Variants in VPS16 observed in about 807,000 individuals in gnomAD.
The protein encoded by VPS16 is VPS16 core subunit of CORVET and HOPS complexes, also known as vacuolar protein sorting-associated protein 16 homolog.
VPS16 carries 82 observed loss-of-function variants against 116.0 expected under a neutral mutation model. That is an observed-to-expected ratio of 0.71 (90% CI 0.59 to 0.85). The LOEUF is 0.85. VPS16 is among the 40% of genes least tolerant of loss of function. The probability of loss-of-function intolerance (pLI) is 0.00; values close to 1 mark genes in which losing one functional copy is unlikely to be tolerated. For missense variants in VPS16, 928 were observed against 1,090.6 expected (o/e 0.85, Z 2.10); for synonymous variants, 406 against 420.7 (o/e 0.96, Z 0.43).
chr20:2,846,683 G>A (rs569214947), intron 1 of VPS16, among the ~76,000 whole-genome samples: 1 of 152,194 alleles, frequency 6.6e-6, no homozygotes, highest in African/African-American at 2.4e-5. Flanking sequence ...TACCTAACAT[G>A]CATCTTCCTC....
intron 1 of VPS16, among the ~76,000 whole-genome samples, chr20:2,850,668 T>G (rs1186241964): frequency 1.3e-5 from 2 of 151,414 alleles, no homozygotes; most frequent in Non-Finnish European, 2.9e-5. Context: ...TTAACTGTGA[T>G]AAAGGAGTAT....
intron 1 of VPS16, among the ~76,000 whole-genome samples, chr20:2,854,394 A>G (rs939996463): frequency 6.6e-6 from 1 of 151,892 alleles, no homozygotes; most frequent in Non-Finnish European, 1.5e-5. Flanking sequence ...ACATCACTGC[A>G]CTCCATCCTG....
rs2089265534 is a variant in VPS16 at position 2,863,419 on chromosome 20, C to T, written c.1476+21C>T. 1 of 1,610,952 alleles carries T rather than the reference C, an allele frequency of 6.2e-7. No homozygotes were observed. ...ACAAGGCAAGGATGTGGGATGGGGT[C>T]CAAGGGCATTTAGAGGATTCCAGGC... is the stretch of plus-strand genomic sequence containing the variant. On this transcript the variant is annotated intron_variant, in intron 15 of 23. Transcript: ENST00000380445. The surrounding 1 kb of genome is among the most constrained non-coding windows in gnomAD (Gnocchi z 4.4).
rs79791603 is a variant in VPS16 at position 2,865,812 on chromosome 20, G to A, written c.2271+317G>A. 1.3e-3 allele frequency: 607 copies of A among 476,798 alleles called. 3 individuals carry two copies. The East Asian group carries it at 0.022, about 17-fold the overall frequency. 29.5% of individuals were successfully genotyped at this position (476,798 alleles called of 1,614,324 possible). A position where few individuals can be genotyped will look rare whatever the true frequency, so the allele number is the denominator to read the frequency against. ...AGGGTGGAGGGGGCACAGGGAGGGT[G>A]CATATGGGAGGCAGTGGAGATACTG... On this transcript the variant is annotated intron_variant, in intron 22 of 23. Coordinates refer to ENST00000380445, the MANE Select transcript of VPS16 (RefSeq NM_022575.4). The surrounding 1 kb of genome is among the most constrained non-coding windows in gnomAD (Gnocchi z 5.2).
In VPS16 at chr20:2,842,735, T is replaced by TATAG. The variant is rs1485226464; in HGVS notation, c.53+1912_53+1915dup. ...AGATAGACATATGGATGTATCTATC[T>TATAG]ATAGATACATATAGATGTATCTATC... On this transcript the variant is annotated intron_variant, in intron 1 of 23. Transcript: ENST00000380445. 8.2e-4 allele frequency among the ~76,000 whole-genome samples: 59 copies of TATAG among 71,590 alleles called. 6 individuals are homozygous for TATAG. The highest frequency in any genetic ancestry group is 1.3e-3 in the African/African-American group (15 of 11,958). The allele number at this position is 71,590 out of a possible 152,430, so 47.0% of individuals were successfully genotyped here.
chr20:2,841,483 C>G (rs988610046), intron 1 of VPS16, among the ~76,000 whole-genome samples: 1 of 152,246 alleles, frequency 6.6e-6, no homozygotes, highest in African/African-American at 2.4e-5. Context: ...CTACCCAAAT[C>G]TTGCGTTCCA....
chr20:2,862,981 G>A, intron 13 of VPS16, 47 bp downstream of exon 13: 1 of 1,613,816 alleles, frequency 6.2e-7, no homozygotes, highest in Non-Finnish European at 8.5e-7. Flanking sequence ...AGGGGTGGCA[G>A]GGGAAGGGGC....
At chr20:2,854,795 C>CA (rs200987248) in intron 1 of VPS16, among the ~76,000 whole-genome samples, 5,789 of 130,870 alleles carry the variant, frequency 0.044, 278 homozygotes, top group Admixed American at 0.11. Context: ...GACTCCATCT[C>CA]AAAAAAAAAA....
Position 2,863,618 on chromosome 20 carries a change from C to T in VPS16, c.1476+220C>T, listed in dbSNP as rs1243360722. Among the ~76,000 whole-genome samples, 8 of 151,674 alleles carry T rather than the reference C, an allele frequency of 5.3e-5. No homozygotes were observed. Among genetic ancestry groups the T allele is most frequent in the South Asian group, 2.1e-4 (1 of 4,794 alleles). ...TCTCTACTAAAAATACAAAATTAGC[C>T]GGGCACGGTGGCGCATGCCTGTAAT... On this transcript the variant is annotated intron_variant, in intron 15 of 23. Transcript: ENST00000380445. This position sits in a 1 kb window ranked among gnomAD's most constrained non-coding sequence, Gnocchi z 4.4.
In VPS16 at chr20:2,864,427, C is replaced by G; in HGVS notation, c.1783C>G (p.Arg595Gly). Residue 595 changes from arginine to glycine, a missense_variant, in exon 18 of 24, where the codon CGG (arginine) becomes GGG (glycine). Arg to Gly is a moderately radical substitution (Grantham distance 125). Coordinates refer to ENST00000380445, the MANE Select transcript of VPS16 (RefSeq NM_022575.4). The surrounding 1 kb of genome is among the most constrained non-coding windows in gnomAD (Gnocchi z 5.2). The stretch of plus-strand genomic sequence containing the variant: ...CCGAGGAGATTTTTTCATGACCCTT[C>G]GGAATCAGCCCATGGCCCTCAGTTT... ...LNRGDFFMTL[R>G]NQPMALSLYR... The G allele has an allele frequency of 6.2e-7, 1 of 1,614,144 alleles. No homozygotes were observed. The highest frequency in any genetic ancestry group is 1.1e-5 in the South Asian group (1 of 91,082).
rs1401797592 is a variant in VPS16 at position 2,840,773 on chromosome 20, C to G, written c.-2C>G. 6.5e-7 allele frequency: 1 copy of G among 1,548,436 alleles called. No individual in the cohort carries two copies. Among genetic ancestry groups the G allele is most frequent in the African/African-American group, 1.4e-5 (1 of 72,960 alleles). On this transcript the variant is annotated 5_prime_UTR_variant, in exon 1 of 24. Coordinates refer to ENST00000380445, the MANE Select transcript of VPS16 (RefSeq NM_022575.4). The stretch of plus-strand genomic sequence containing the variant: ...GCTTCCCAGCTGCCGTCTGCACCAG[C>G]CATGGACTGCTACACGGCGAACTGG...
In VPS16 at chr20:2,865,174, A is replaced by C; in HGVS notation, c.2031A>C (p.Leu677=). 6.2e-7 allele frequency: 1 copy of C among 1,614,142 alleles called. No homozygotes were observed. The highest frequency in any genetic ancestry group is 8.5e-7 in the Non-Finnish European group (1 of 1,180,004). Residue 677 remains leucine (L), a synonymous_variant, in exon 21 of 24, where the codon CTA becomes CTC. Transcript: ENST00000380445. This position sits in a 1 kb window ranked among gnomAD's most constrained non-coding sequence, Gnocchi z 5.2. ...AKATEDQMRL[L]RLQRRLEDEL... Reference sequence around the variant, plus strand: ...CTACAGAGGATCAAATGCGGCTCCTACGGCTGCAGCGGCGCCTAGAAGACG... The same window carrying C: ...CTACAGAGGATCAAATGCGGCTCCTCCGGCTGCAGCGGCGCCTAGAAGACG...
chr20:2,852,223 C>T (rs2089129293), intron 1 of VPS16, among the ~76,000 whole-genome samples: 1 of 152,106 alleles, frequency 6.6e-6, no homozygotes, highest in Non-Finnish European at 1.5e-5. Flanking sequence ...ATTCTCACAC[C>T]CTGACTGCTG....
chr20:2,861,408 A>G (rs1011690182), intron 8 of VPS16, 128 bp downstream of exon 8: 6 of 1,470,930 alleles, frequency 4.1e-6, no homozygotes, highest in East Asian at 2.4e-5. Flanking sequence ...CTTCTCTGCC[A>G]TTGCACACTT....
In VPS16 at chr20:2,866,455, G is replaced by C. The variant is rs778098467; in HGVS notation, c.2401G>C (p.Ala801Pro). The C allele has an allele frequency of 5.6e-6, 9 of 1,614,046 alleles. No homozygotes were observed. Among genetic ancestry groups the C allele is most frequent in the Non-Finnish European group, 7.6e-6 (9 of 1,180,032 alleles). Reference protein sequence around the residue: ...VGDVAQAADVAIEHRNEAELS... With the variant: ...VGDVAQAADVPIEHRNEAELS... ...CGATGTGGCTCAGGCTGCAGATGTG[G>C]CCATCGAACACCGGAATGAGGCTGA... Residue 801 changes from alanine (A) to proline (P), a missense_variant, in exon 24 of 24, where the codon GCC becomes CCC. By Grantham distance (27) the Ala-to-Pro change is conservative. Transcript: ENST00000380445.
Position 2,863,142 on chromosome 20 carries a change from G to C in VPS16, c.1367+42G>C. Reference sequence around the variant, plus strand: ...GGTGCAGTGAGCGGGCTGTCAGGGGGGTGGGCATTACAGCCTTGGGTGGGG... The same window carrying C: ...GGTGCAGTGAGCGGGCTGTCAGGGGCGTGGGCATTACAGCCTTGGGTGGGG... On this transcript the variant is annotated intron_variant, in intron 14 of 23. Transcript: ENST00000380445. The surrounding 1 kb of genome is among the most constrained non-coding windows in gnomAD (Gnocchi z 4.4). 7 of 1,613,634 alleles carry C rather than the reference G, an allele frequency of 4.3e-6. No homozygotes were observed. Among genetic ancestry groups the C allele is most frequent in the Non-Finnish European group, 5.9e-6 (7 of 1,179,938 alleles).
chr20:2,860,702 C>T lies in VPS16; in HGVS notation c.515-46C>T, dbSNP rs539331550. 7.5e-5 allele frequency: 121 copies of T among 1,611,872 alleles called. 1 individual carries two copies. Among genetic ancestry groups the T allele is most frequent in the East Asian group, 3.8e-4 (17 of 44,824 alleles). ...GGCTAGAGACCCATAGAAACAGAAA[C>T]GGTGGGCCTTGGTCATCCTAACACT... On this transcript the variant is annotated intron_variant, in intron 5 of 23. Transcript: ENST00000380445. This position sits in a 1 kb window ranked among gnomAD's most constrained non-coding sequence, Gnocchi z 6.1.
Position 2,864,630 on chromosome 20 carries a change from C to T in VPS16, c.1902C>T (p.Ile634=). The T allele has an allele frequency of 6.2e-7, 1 of 1,614,136 alleles. No individual in the cohort carries two copies. Among genetic ancestry groups the T allele is most frequent in the East Asian group, 2.2e-5 (1 of 44,888 alleles). The stretch of plus-strand genomic sequence containing the variant: ...ACCAGGAATTGGGCAGCTTCCACAT[C>T]CGAGCCAGCTATGCTGCAGAAGAGG... ...DNHQELGSFH[I]RASYAAEERI... Residue 634 remains isoleucine (I), a synonymous_variant, in exon 19 of 24, where the codon ATC becomes ATT. Transcript: ENST00000380445. The surrounding 1 kb of genome is among the most constrained non-coding windows in gnomAD (Gnocchi z 5.2).
intron 1 of VPS16, among the ~76,000 whole-genome samples, chr20:2,847,254 C>T (rs1274938788): frequency 6.6e-6 from 1 of 152,154 alleles, no homozygotes; most frequent in Non-Finnish European, 1.5e-5. Flanking sequence ...ACATCCTTGA[C>T]CAACTGCACT....
Sources: allele counts gnomAD v4.1 joint callset (sites outside exome capture counted in the v4.1 genomes callset), GRCh38; gene constraint gnomAD v4.1.1; non-coding constraint Gnocchi (gnomAD v3.1); transcripts MANE v1.5; gene names NCBI Gene and HGNC (gene_info 2026-07-23, HGNC 2026-07-21).